Variants in IP6K1 observed in about 807,000 individuals in gnomAD.
The protein encoded by IP6K1 is inositol hexakisphosphate kinase 1.
In IP6K1, 13 loss-of-function variants were observed where a neutral mutation model predicts 38.3. That is an observed-to-expected ratio of 0.34 (90% CI 0.22 to 0.54). The LOEUF (loss-of-function observed/expected upper bound fraction) is 0.54. Among genes scored for constraint, IP6K1 ranks in the 20% least tolerant of loss-of-function variants. IP6K1 has a pLI of 0.92. For missense variants in IP6K1, 397 were observed against 599.8 expected (o/e 0.66, Z 3.53); for synonymous variants, 212 against 229.9 (o/e 0.92, Z 0.70).
At chr3:49,755,299 A>G (rs950231805) in intron 1 of IP6K1, among the ~76,000 whole-genome samples, 2 of 152,058 alleles carry the variant, frequency 1.3e-5, no homozygotes, top group African/African-American at 4.8e-5. Context: ...TTTCACAGGT[A>G]TATTTGCAGA....
rs1372677068 is a variant in IP6K1, at chr3:49,726,061, T to C, written c.*1061A>G. 2 of 152,366 alleles carry C rather than the reference T, an allele frequency of 1.3e-5. No individual in the cohort carries two copies. Among genetic ancestry groups the C allele is most frequent in the African/African-American group, 4.8e-5 (2 of 41,450 alleles). The allele number at this position is 152,366 out of a possible 1,614,324, so 9.4% of individuals were successfully genotyped here. The stretch of plus-strand genomic sequence containing the variant: ...GACAAACTGATGGACCCAGGACTGA[T>C]CAGACAAAGCTCTCATTAGCAGAAT... On this transcript the variant is annotated 3_prime_UTR_variant, in exon 6 of 6. Transcript: ENST00000321599.
intron 1 of IP6K1, among the ~76,000 whole-genome samples, chr3:49,750,487 G>T (rs994406445): frequency 2.0e-5 from 3 of 152,074 alleles, no homozygotes; most frequent in African/African-American, 7.2e-5. Flanking sequence ...CTGAGGTCAG[G>T]AGTTCAAGAC....
intron 1 of IP6K1, among the ~76,000 whole-genome samples, chr3:49,765,029 C>T (rs900219855): frequency 6.6e-6 from 1 of 152,114 alleles, no homozygotes; most frequent in Non-Finnish European, 1.5e-5. Context: ...ACTGATGCCT[C>T]AAGTACAAAA....
chr3:49,727,167 C>T lies in IP6K1; in HGVS notation c.1281G>A (p.Glu427=), dbSNP rs2080514435. 1 of 1,613,830 alleles carries T rather than the reference C, an allele frequency of 6.2e-7. No individual in the cohort carries two copies. The highest frequency in any genetic ancestry group is 1.7e-5 in the Admixed American group (1 of 59,978). ...TCTGTTCCATGATGCTGATGAGGTT[C>T]TCCAGGCCAAACACGTAGCCTCTGT... ...GPDRGYVFGL[E]NLISIMEQMR... is the part of the protein sequence containing the mutation. The change falls in exon 6 of 6, where the codon GAG becomes GAA. Residue 427 remains glutamate, a synonymous_variant. Coordinates refer to ENST00000321599, the MANE Select transcript of IP6K1 (RefSeq NM_153273.4). This position sits in a 1 kb window ranked among gnomAD's most constrained non-coding sequence, Gnocchi z 5.9.
intron 1 of IP6K1, among the ~76,000 whole-genome samples, chr3:49,764,598 T>C (rs1256752151): frequency 6.6e-6 from 1 of 151,710 alleles, no homozygotes; most frequent in Non-Finnish European, 1.5e-5. Flanking sequence ...CCCAATGAAG[T>C]CCAGGTGTGG....
intron 1 of IP6K1, among the ~76,000 whole-genome samples, chr3:49,757,427 A>C (rs1189627090): frequency 6.6e-6 from 1 of 152,066 alleles, no homozygotes; most frequent in East Asian, 1.9e-4. Context: ...TCTTTTGAAA[A>C]ACCTCTACTA....
chr3:49,745,491 G>A (rs1403552858), intron 2 of IP6K1, among the ~76,000 whole-genome samples: 3 of 152,216 alleles, frequency 2.0e-5, no homozygotes, highest in Non-Finnish European at 2.9e-5. Flanking sequence ...GGGAGGCCAA[G>A]GCAGGTAGGT....
chr3:49,735,164 G>A (rs1394303514), intron 3 of IP6K1, among the ~76,000 whole-genome samples: 1 of 152,122 alleles, frequency 6.6e-6, no homozygotes, highest in African/African-American at 2.4e-5. Context: ...AGACCACCCC[G>A]GGCAACAAAG....
intron 1 of IP6K1, chr3:49,775,442 G>C (rs1298253179): frequency 1.3e-5 from 6 of 476,388 alleles, no homozygotes; most frequent in South Asian, 9.0e-5. Context: ...ACGTATCTTA[G>C]CAGGGGTGCC....
intron 3 of IP6K1, among the ~76,000 whole-genome samples, chr3:49,733,671 C>T (rs1317557936): frequency 1.3e-5 from 2 of 152,168 alleles, no homozygotes; most frequent in Non-Finnish European, 2.9e-5. Flanking sequence ...ATAAATATTG[C>T]ATGATTCTAC....
chr3:49,748,366 T>A (rs1392159416), intron 1 of IP6K1, among the ~76,000 whole-genome samples, 198 bp from the exon 2 acceptor site: 3 of 152,186 alleles, frequency 2.0e-5, no homozygotes, highest in African/African-American at 7.2e-5. Flanking sequence ...CTTCCATCTA[T>A]CTTGTGCACA....
intron 3 of IP6K1, 78 bp downstream of exon 3, chr3:49,738,134 C>T (rs115549790): frequency 0.018 from 21,244 of 1,207,832 alleles, 308 homozygotes; most frequent in Non-Finnish European, 0.018. Context: ...ACTGTGAGCC[C>T]TGCTTCCCCA....
intron 1 of IP6K1, among the ~76,000 whole-genome samples, chr3:49,764,453 C>G (rs375955594): frequency 3.3e-5 from 5 of 152,158 alleles, no homozygotes; most frequent in African/African-American, 1.2e-4. Flanking sequence ...ATCAGTGAGG[C>G]TTCCAGTCAA....
At chr3:49,762,283 C>T (rs1165462847) in intron 1 of IP6K1, among the ~76,000 whole-genome samples, 2 of 152,236 alleles carry the variant, frequency 1.3e-5, no homozygotes, top group African/African-American at 4.8e-5. Context: ...GTGGCTCACA[C>T]CTGCAATCCC....
chr3:49,780,607 G>A (rs1426335569), intron 1 of IP6K1, among the ~76,000 whole-genome samples: 1 of 152,114 alleles, frequency 6.6e-6, no homozygotes, highest in East Asian at 1.9e-4. Flanking sequence ...AGCCCAAGGA[G>A]GCAGTGAGAT....
At chr3:49,762,809 G>A (rs753992878) in intron 1 of IP6K1, among the ~76,000 whole-genome samples, 7 of 150,674 alleles carry the variant, frequency 4.6e-5, no homozygotes, top group South Asian at 2.1e-4. Context: ...ATCTTACTCT[G>A]TGACCCAGGC....
chr3:49,783,836 A>G (rs2081088892), intron 1 of IP6K1, among the ~76,000 whole-genome samples: 2 of 152,096 alleles, frequency 1.3e-5, no homozygotes, highest in African/African-American at 4.8e-5. Flanking sequence ...ATGGCCCTGA[A>G]GGACAATGAA....
intron 1 of IP6K1, among the ~76,000 whole-genome samples, chr3:49,749,352 T>C (rs1020070266): frequency 1.3e-5 from 2 of 152,258 alleles, no homozygotes; most frequent in East Asian, 1.9e-4. Flanking sequence ...AAGCTCCTTG[T>C]ACTCAAACTC....
chr3:49,773,349 G>A (rs1185812396), intron 1 of IP6K1, among the ~76,000 whole-genome samples: 3 of 152,178 alleles, frequency 2.0e-5, no homozygotes, highest in Non-Finnish European at 2.9e-5. Context: ...GGTGGCTCAC[G>A]CCTGTAATCC....
Sources: gnomAD v4.1 joint callset for allele counts (sites outside exome capture counted in the v4.1 genomes callset) on GRCh38, gnomAD v4.1.1 for gene constraint, Gnocchi (gnomAD v3.1) non-coding constraint, MANE v1.5 for transcripts, NCBI Gene and HGNC (gene_info 2026-07-23, HGNC 2026-07-21) for gene names.